FAM216B: variants seen among roughly 807,000 people sequenced by gnomAD.
The protein encoded by FAM216B is protein FAM216B.
A neutral mutation model predicts 12.9 loss-of-function variants in FAM216B; 11 were observed. The ratio of observed to expected loss-of-function variants is 0.86; its 90% CI spans 0.54 to 1.42. The LOEUF (loss-of-function observed/expected upper bound fraction) is 1.42, where lower values mean the gene tolerates loss of function less well. FAM216B is among the 40% of genes most tolerant of loss of function. The probability of loss-of-function intolerance (pLI) is 0.00; values close to 1 mark genes in which losing one functional copy is unlikely to be tolerated. For missense variants in FAM216B, 167 were observed against 162.9 expected (o/e 1.02, Z -0.14); for synonymous variants, 52 against 57.2 (o/e 0.91, Z 0.41).
intron 1 of FAM216B, among the ~76,000 whole-genome samples, 169 bp downstream of exon 1, chr13:42,781,833 T>A (rs567656105): frequency 1.2e-4 from 19 of 152,348 alleles, no homozygotes; most frequent in African/African-American, 4.1e-4. Context: ...ACACATGAAT[T>A]GTTGCCATAA....
chr13:42,785,174 T>A (rs2138034244), intron 2 of FAM216B, among the ~76,000 whole-genome samples: 1 of 152,346 alleles, frequency 6.6e-6, no homozygotes, highest in South Asian at 2.1e-4. Flanking sequence ...TTCAAATATG[T>A]TATCCTTTAA....
At chr13:42,783,539 T>G (rs1339912632) in intron 1 of FAM216B, among the ~76,000 whole-genome samples, 1 of 152,136 alleles carries the variant, frequency 6.6e-6, no homozygotes, top group African/African-American at 2.4e-5. Flanking sequence ...AACATATCCT[T>G]TAAGCATCTT....
Position 42,790,870 on chromosome 13 carries a change from C to T in FAM216B, c.*2080C>T, listed in dbSNP as rs991273048. 9 of 152,146 alleles carry T rather than the reference C, an allele frequency of 5.9e-5. No homozygotes were observed. The highest frequency in any genetic ancestry group is 1.2e-4 in the Non-Finnish European group (8 of 68,026). 9.4% of individuals were successfully genotyped at this position (152,146 alleles called of 1,614,324 possible). A position where few individuals can be genotyped will look rare whatever the true frequency, so the allele number is the denominator to read the frequency against. ...CGGTTGCGGTAGGCAATCAATAATA[C>T]TCTTTGAATAATAATGAGGTTTTCA... On this transcript the variant is annotated 3_prime_UTR_variant, in exon 4 of 4. Coordinates refer to ENST00000313851, the MANE Select transcript of FAM216B (RefSeq NM_001318932.2).
At chr13:42,788,130 T>C (rs1324156391) in intron 3 of FAM216B, among the ~76,000 whole-genome samples, 2 of 152,192 alleles carry the variant, frequency 1.3e-5, no homozygotes, top group Non-Finnish European at 2.9e-5. Context: ...AGGTACCTTA[T>C]TAAAATGCAG....
At position 42,788,824 on chromosome 13, in the gene FAM216B, C is replaced by A; in HGVS notation, c.*34C>A. 6.3e-7 allele frequency: 1 copy of A among 1,577,730 alleles called. No individual in the cohort carries two copies. Among genetic ancestry groups the A allele is most frequent in the Non-Finnish European group, 8.6e-7 (1 of 1,159,934 alleles). ...AGCATTTTCAGAAACAGGAAGTTTG[C>A]CCATGTATCCCTGGTATCTAGTGGG... is the stretch of plus-strand genomic sequence containing the variant. On this transcript the variant is annotated 3_prime_UTR_variant, in exon 4 of 4. Coordinates refer to ENST00000313851, the MANE Select transcript of FAM216B (RefSeq NM_001318932.2).
chr13:42,783,248 C>T (rs912040309), intron 1 of FAM216B, among the ~76,000 whole-genome samples: 3 of 152,088 alleles, frequency 2.0e-5, no homozygotes, highest in Non-Finnish European at 4.4e-5. Flanking sequence ...TTCAAGACTG[C>T]GGTGAGCTAT....
At position 42,786,782 on chromosome 13, in the gene FAM216B, A is replaced by G. The variant is rs571342887; in HGVS notation, c.119A>G (p.Gln40Arg). The G allele has an allele frequency of 1.9e-6, 3 of 1,614,096 alleles. No homozygotes were observed. The highest frequency in any genetic ancestry group is 4.5e-5 in the East Asian group (2 of 44,882). ...CAACAGGCCCTCAACCAAGGGCAAC[A>G]GCGCTACTTTTACAGCATTATGAGG... The part of the protein sequence containing the change: ...SLLKALNQGQ[Q>R]RYFYSIMRIY... The change falls in exon 3 of 4, where the codon CAG (glutamine) becomes CGG (arginine). Residue 40 changes from glutamine (Q) to arginine (R), a missense_variant. Gln to Arg is a conservative substitution (Grantham distance 43). Transcript: ENST00000313851.
rs185684207 is a variant in FAM216B, at chr13:42,790,231, G to C, written c.*1441G>C. On this transcript the variant is annotated 3_prime_UTR_variant, in exon 4 of 4. Transcript: ENST00000313851. ...GTAGCCCTCATAAAGCAGAGAGGTT[G>C]GTGGGAGACCTAACTTGGCCTATAC... 6.6e-6 allele frequency: 1 copy of C among 152,130 alleles called. No homozygotes were observed. The highest frequency in any genetic ancestry group is 2.4e-5 in the African/African-American group (1 of 41,436). 9.4% of individuals were successfully genotyped at this position (152,130 alleles called of 1,614,324 possible).
intron 1 of FAM216B, among the ~76,000 whole-genome samples, chr13:42,783,635 A>G (rs1363961386): frequency 1.3e-5 from 2 of 152,002 alleles, no homozygotes; most frequent in African/African-American, 4.8e-5. Flanking sequence ...GAGTAATCTT[A>G]TTTTCTTCTT....
chr13:42,786,751 C>A lies in FAM216B; in HGVS notation c.100-12C>A. On this transcript the variant is annotated splice_polypyrimidine_tract_variant and intron_variant, in intron 2 of 3. Coordinates refer to ENST00000313851, the MANE Select transcript of FAM216B (RefSeq NM_001318932.2). ...CACACACTCATCAAAATCACCTGTT[C>A]TGTTCCAACAGGCCCTCAACCAAGG... 1 of 1,613,560 alleles carries A rather than the reference C, an allele frequency of 6.2e-7. No homozygotes were observed. The highest frequency in any genetic ancestry group is 1.7e-5 in the Admixed American group (1 of 59,972).
rs190130827 is a variant in FAM216B at position 42,789,411 on chromosome 13, A to G, written c.*621A>G. On this transcript the variant is annotated 3_prime_UTR_variant, in exon 4 of 4. Coordinates refer to ENST00000313851, the MANE Select transcript of FAM216B (RefSeq NM_001318932.2). ...TTATGGAGCTGTAACTGGCCTTGACATGGGTAAGAGAATTCATGCACACAT... is the reference window on the plus strand; with the variant it reads ...TTATGGAGCTGTAACTGGCCTTGACGTGGGTAAGAGAATTCATGCACACAT... 2 of 152,330 alleles carry G rather than the reference A, an allele frequency of 1.3e-5. No individual in the cohort carries two copies. The highest frequency in any genetic ancestry group is 1.9e-4 in the East Asian group (1 of 5,188). The allele number at this position is 152,330 out of a possible 1,614,324, so 9.4% of individuals were successfully genotyped here. A position where few individuals can be genotyped will look rare whatever the true frequency, so the allele number is the denominator to read the frequency against.
intron 3 of FAM216B, among the ~76,000 whole-genome samples, chr13:42,787,922 C>A (rs1246092500): frequency 1.3e-5 from 2 of 152,132 alleles, no homozygotes; most frequent in Non-Finnish European, 2.9e-5. Context: ...AAAACATGAA[C>A]AAGTTAAATA....
At chr13:42,787,566 G>T (rs1054912442) in intron 3 of FAM216B, among the ~76,000 whole-genome samples, 1 of 152,164 alleles carries the variant, frequency 6.6e-6, no homozygotes, top group Non-Finnish European at 1.5e-5. Context: ...TCAACTTACC[G>T]AAAGGCTAAT....
Position 42,784,177 on chromosome 13 carries a change from T to TTC in FAM216B, c.99+12_99+13insCT. On this transcript the variant is annotated intron_variant, in intron 2 of 3. Coordinates refer to ENST00000313851, the MANE Select transcript of FAM216B (RefSeq NM_001318932.2). Reference sequence around the variant, plus strand: ...ACTTCCTTACTAAAGGTATGGCTTTTTTTTTTTTTTTTTTTTCACAGATAG... The same window carrying TTC: ...ACTTCCTTACTAAAGGTATGGCTTTTTCTTTTTTTTTTTTTTTTCACAGATAG... 1 of 1,490,066 alleles carries TTC rather than the reference T, an allele frequency of 6.7e-7. No homozygotes were observed. Among genetic ancestry groups the TTC allele is most frequent in the Non-Finnish European group, 9.0e-7 (1 of 1,113,118 alleles). The allele number at this position is 1,490,066 out of a possible 1,614,324, so 92.3% of individuals were successfully genotyped here.
At chr13:42,784,289 A>G in intron 2 of FAM216B, 123 bp downstream of exon 2, 1 of 673,726 alleles carries the variant, frequency 1.5e-6, no homozygotes, top group South Asian at 2.4e-5. Context: ...TTGGCCGCAT[A>G]ATAAGCCCTT....
At position 42,789,444 on chromosome 13, in the gene FAM216B, T is replaced by C. The variant is rs1874225985; in HGVS notation, c.*654T>C. On this transcript the variant is annotated 3_prime_UTR_variant, in exon 4 of 4. Coordinates refer to ENST00000313851, the MANE Select transcript of FAM216B (RefSeq NM_001318932.2). ...GAGAATTCATGCACACATCTTTCCC[T>C]GGCAGCTGAAGAAACACTCTTAAAA... 1.3e-5 allele frequency: 2 copies of C among 152,230 alleles called. No homozygotes were observed. Among genetic ancestry groups the C allele is most frequent in the Admixed American group, 6.5e-5 (1 of 15,274 alleles). The allele number at this position is 152,230 out of a possible 1,614,324, so 9.4% of individuals were successfully genotyped here.
intron 2 of FAM216B, among the ~76,000 whole-genome samples, chr13:42,785,569 G>A (rs1874053759): frequency 6.6e-6 from 1 of 152,166 alleles, no homozygotes; most frequent in African/African-American, 2.4e-5. Flanking sequence ...TAGGACTGTT[G>A]AAACTTAAGA....
At position 42,782,207 on chromosome 13, in the gene FAM216B, T is replaced by G. The variant is rs189401144; in HGVS notation, c.-15+543T>G. On this transcript the variant is annotated intron_variant, in intron 1 of 3. Coordinates refer to ENST00000313851, the MANE Select transcript of FAM216B (RefSeq NM_001318932.2). Reference sequence around the variant, plus strand: ...GTGAACTCAAATCAGTCTCCACATGTATTACAATACTCCTTAAGCATGTGT... The same window carrying G: ...GTGAACTCAAATCAGTCTCCACATGGATTACAATACTCCTTAAGCATGTGT... 6.6e-5 allele frequency among the ~76,000 whole-genome samples: 10 copies of G among 152,368 alleles called. No individual in the cohort carries two copies. The East Asian group carries it at 1.9e-3, about 29-fold the overall frequency.
At chr13:42,788,401 T>C (rs1874172806) in intron 3 of FAM216B, among the ~76,000 whole-genome samples, 190 bp from the exon 4 acceptor site, 1 of 152,216 alleles carries the variant, frequency 6.6e-6, no homozygotes, top group Non-Finnish European at 1.5e-5. Flanking sequence ...CAAGTGTTTA[T>C]TAACTTATTG....
Sources: allele counts gnomAD v4.1 joint callset (sites outside exome capture counted in the v4.1 genomes callset), GRCh38; gene constraint gnomAD v4.1.1; transcripts MANE v1.5; gene names NCBI Gene and HGNC (gene_info 2026-07-23, HGNC 2026-07-21).